POTEC: variants seen among roughly 807,000 people sequenced by gnomAD.
POTEC encodes the protein POTE ankyrin domain family member C.
In POTEC, 35 loss-of-function variants were observed where a neutral mutation model predicts 62.0. The observed-to-expected ratio is 0.56, with a 90% CI of 0.43 to 0.75. POTEC has a LOEUF of 0.75. Among genes scored for constraint, POTEC ranks in the 30% least tolerant of loss-of-function variants. The probability of loss-of-function intolerance (pLI) is 0.00; values close to 1 mark genes in which losing one functional copy is unlikely to be tolerated. For synonymous variants in POTEC, 156 were observed against 221.5 expected (o/e 0.70, Z 2.62); for missense variants, 472 against 655.9 (o/e 0.72, Z 3.06).
intron 1 of POTEC, among the ~76,000 whole-genome samples, chr18:14,540,037 C>T (rs990081487): frequency 6.6e-6 from 1 of 151,952 alleles, no homozygotes; most frequent in Non-Finnish European, 1.5e-5. Context: ...GTGATAGTAA[C>T]GATCATTTAT....
At chr18:14,513,466 C>T (rs1362647465) in intron 10 of POTEC, among the ~76,000 whole-genome samples, 196 bp downstream of exon 10, 2 of 152,022 alleles carry the variant, frequency 1.3e-5, no homozygotes, top group Admixed American at 6.5e-5. Flanking sequence ...GAATTAAGAA[C>T]ATGGCTTTAT....
chr18:14,526,837 T>G (rs958513999), intron 6 of POTEC, among the ~76,000 whole-genome samples: 4 of 152,126 alleles, frequency 2.6e-5, no homozygotes, highest in Non-Finnish European at 5.9e-5. Flanking sequence ...CTATCTGTAT[T>G]TAGATGTAGA....
chr18:14,520,466 A>G (rs1910281888), intron 9 of POTEC, among the ~76,000 whole-genome samples: 1 of 152,182 alleles, frequency 6.6e-6, no homozygotes. Flanking sequence ...GTTGATACTC[A>G]TCAAATATAC....
intron 7 of POTEC, among the ~76,000 whole-genome samples, chr18:14,523,913 G>A (rs546720242): frequency 9.9e-5 from 15 of 152,204 alleles, no homozygotes; most frequent in African/African-American, 2.6e-4. Flanking sequence ...TGAAAAGAGC[G>A]TATCTCATGA....
rs539006099 is a variant in POTEC at position 14,511,889 on chromosome 18, T to A, written c.*9A>T. Reference sequence around the variant, plus strand: ...TTTTCCCTTAGCTGGTTCTGATGTTTTGTTTCATCTAGTTCCAGTCTCCAG... The same window carrying A: ...TTTTCCCTTAGCTGGTTCTGATGTTATGTTTCATCTAGTTCCAGTCTCCAG... On this transcript the variant is annotated 3_prime_UTR_variant, in exon 11 of 11. Transcript: ENST00000358970. 774 of 1,613,590 alleles carry A rather than the reference T, an allele frequency of 4.8e-4. 7 individuals are homozygous for A. The South Asian group carries it at 8.1e-3, about 17-fold the overall frequency.
intron 6 of POTEC, chr18:14,528,907 G>T (rs1910507615): frequency 4.4e-6 from 2 of 453,744 alleles, no homozygotes; most frequent in South Asian, 3.1e-5. Flanking sequence ...CAGAAACCCT[G>T]CAAGGTTCAC....
Position 14,521,796 on chromosome 18 carries a change from C to G in POTEC, c.1409+458G>C, listed in dbSNP as rs189061579. The stretch of plus-strand genomic sequence containing the variant: ...TATTCTTCTTACTCATTAGTGGAAA[C>G]TAAACAATGAGAACTCATGGACACA... On this transcript the variant is annotated intron_variant, in intron 9 of 10. Coordinates refer to ENST00000358970, the MANE Select transcript of POTEC (RefSeq NM_001137671.2). 1.6e-4 allele frequency among the ~76,000 whole-genome samples: 25 copies of G among 152,170 alleles called. 1 individual carries two copies. Among genetic ancestry groups the G allele is most frequent in the Non-Finnish European group, 1.3e-4 (9 of 67,998 alleles).
chr18:14,514,797 G>C (rs1428666234), intron 9 of POTEC, among the ~76,000 whole-genome samples: 3 of 152,084 alleles, frequency 2.0e-5, no homozygotes, highest in African/African-American at 7.2e-5. Context: ...CTTATGCCTA[G>C]AAAACTCTAC....
chr18:14,524,545 C>A (rs1255529414), intron 7 of POTEC, among the ~76,000 whole-genome samples: 1 of 151,924 alleles, frequency 6.6e-6, no homozygotes, highest in Non-Finnish European at 1.5e-5. Context: ...AATAAAAGAA[C>A]AAACAAAGGT....
intron 9 of POTEC, among the ~76,000 whole-genome samples, chr18:14,520,385 A>C (rs1910279863): frequency 6.8e-6 from 1 of 146,112 alleles, no homozygotes; most frequent in South Asian, 2.1e-4. Context: ...CTTATACATA[A>C]AGACCAAGAA....
At chr18:14,525,438 A>G (rs1172022797) in intron 6 of POTEC, among the ~76,000 whole-genome samples, 4 of 152,078 alleles carry the variant, frequency 2.6e-5, no homozygotes, top group Admixed American at 2.6e-4. Context: ...GCCCACAGGT[A>G]TGGGCTCCAG....
intron 10 of POTEC, among the ~76,000 whole-genome samples, chr18:14,513,008 T>C (rs1165921857): frequency 3.9e-5 from 6 of 152,258 alleles, no homozygotes; most frequent in Non-Finnish European, 8.8e-5. Flanking sequence ...TCTTTCCTCT[T>C]TATAATGTTT....
At position 14,508,014 on chromosome 18, in the gene POTEC, A is replaced by G. The variant is rs1237807802; in HGVS notation, c.*3884T>C. The G allele has an allele frequency of 2.0e-5, 3 of 151,776 alleles. No homozygotes were observed. Among genetic ancestry groups the G allele is most frequent in the South Asian group, 2.1e-4 (1 of 4,804 alleles). The allele number at this position is 151,776 out of a possible 1,614,324, so 9.4% of individuals were successfully genotyped here. ...CTTTAACATTTTTTCTTTTATTTTG[A>G]CCTCAGAGAATCTGATGATTATGTG... On this transcript the variant is annotated 3_prime_UTR_variant, in exon 11 of 11. Transcript: ENST00000358970.
chr18:14,527,318 T>C (rs1910462164), intron 6 of POTEC, among the ~76,000 whole-genome samples: 1 of 152,148 alleles, frequency 6.6e-6, no homozygotes, highest in African/African-American at 2.4e-5. Flanking sequence ...GCTAAAGGGA[T>C]TCTGTTTGGC....
chr18:14,518,237 A>C (rs1910216666), intron 9 of POTEC, among the ~76,000 whole-genome samples: 1 of 152,036 alleles, frequency 6.6e-6, no homozygotes, highest in East Asian at 1.9e-4. Context: ...AACCCTATTC[A>C]TGAGAGTGAG....
At chr18:14,519,836 T>C (rs1225242295) in intron 9 of POTEC, among the ~76,000 whole-genome samples, 2 of 151,822 alleles carry the variant, frequency 1.3e-5, no homozygotes, top group African/African-American at 4.8e-5. Flanking sequence ...ATGAATGGAC[T>C]AGAAAGGTAG....
intron 3 of POTEC, among the ~76,000 whole-genome samples, chr18:14,535,230 T>A (rs1040783966): frequency 1.4e-5 from 2 of 147,488 alleles, no homozygotes; most frequent in Non-Finnish European, 3.0e-5. Flanking sequence ...ACTTTAACAT[T>A]TACTGTTTCC....
chr18:14,542,961 G>A lies in POTEC; in HGVS notation c.186C>T (p.Gly62=). Reference sequence around the variant, plus strand: ...AGGGGAAGCAGTGGTGGCAACACTTGCCCATCTTGCTCCTGAGCATCTTCA... The same window carrying A: ...AGGGGAAGCAGTGGTGGCAACACTTACCCATCTTGCTCCTGAGCATCTTCA... ...SFMKMLRSKM[G]KCCHHCFPCC... Residue 62 remains glycine, a synonymous_variant, in exon 1 of 11, where the codon GGC becomes GGT. Coordinates refer to ENST00000358970, the MANE Select transcript of POTEC (RefSeq NM_001137671.2). The A allele has an allele frequency of 6.4e-7, 1 of 1,573,580 alleles. No individual in the cohort carries two copies. Among genetic ancestry groups the A allele is most frequent in the East Asian group, 2.4e-5 (1 of 41,826 alleles).
intron 1 of POTEC, among the ~76,000 whole-genome samples, chr18:14,540,237 T>C (rs1387507723): frequency 6.6e-6 from 1 of 152,126 alleles, no homozygotes; most frequent in Non-Finnish European, 1.5e-5. Context: ...AAGATAGCCA[T>C]CCACAGGTAT....
Sources: allele counts gnomAD v4.1 joint callset (sites outside exome capture counted in the v4.1 genomes callset), GRCh38; gene constraint gnomAD v4.1.1; transcripts MANE v1.5; gene names NCBI Gene and HGNC (gene_info 2026-07-23, HGNC 2026-07-21).